Variants in CCDC88C observed in about 807,000 individuals in gnomAD.
CCDC88C encodes the protein coiled-coil and HOOK domain protein 88C.
CCDC88C carries 131 observed loss-of-function variants against 198.8 expected under a neutral mutation model. That is an observed-to-expected ratio of 0.66 (90% CI 0.57 to 0.76). The LOEUF (loss-of-function observed/expected upper bound fraction) is 0.76. Ranked by LOEUF, CCDC88C falls within the 30% of genes least tolerant of loss-of-function variation. CCDC88C has a pLI of 0.00. For synonymous variants in CCDC88C, 1,166 were observed against 1,114.7 expected, an observed-to-expected ratio of 1.05 and a Z score of -0.92; for missense variants, 2,553 against 2,631.6, an observed-to-expected ratio of 0.97 and a Z score of 0.65.
chr14:91,305,977 AACTGGCC>A, intron 18 of CCDC88C, 51 bp from the exon 19 acceptor site: 1 of 1,581,444 alleles, frequency 6.3e-7, no homozygotes, highest in Non-Finnish European at 8.6e-7. Flanking sequence ...GGTAAATGCT[AACTGGCC>A]ACAGGTACTT....
In CCDC88C at chr14:91,272,948, T is replaced by C; in HGVS notation, c.5764A>G (p.Ser1922Gly). 2 of 1,561,112 alleles carry C rather than the reference T, an allele frequency of 1.3e-6. No homozygotes were observed. Among genetic ancestry groups the C allele is most frequent in the Non-Finnish European group, 1.7e-6 (2 of 1,158,408 alleles). ...GAGAAAAGSG[S>G]NSQLLHFSPA... ...GAGAAGTGCAGGAGCTGGGAGTTGC[T>C]GCCACTGCCAGCAGCAGCAGCACCA... Residue 1922 changes from serine (S) to glycine (G), a missense_variant, in exon 30 of 30, where the codon AGC becomes GGC. This residue lies in a region of CCDC88C where 1,293 missense variants were observed against 1,219.6 expected (regional missense o/e 1.06). Transcript: ENST00000389857.
intron 3 of CCDC88C, among the ~76,000 whole-genome samples, chr14:91,394,884 A>G (rs537266695): frequency 6.6e-6 from 1 of 152,352 alleles, no homozygotes; most frequent in African/African-American, 2.4e-5. Context: ...TAATCCGCTC[A>G]GTAACAAATG....
chr14:91,388,377 G>T (rs756934757), intron 3 of CCDC88C, among the ~76,000 whole-genome samples: 1 of 152,096 alleles, frequency 6.6e-6, no homozygotes. Context: ...AGGCTGCCTC[G>T]GCCCAGCTTC....
intron 3 of CCDC88C, chr14:91,378,583 T>C (rs7143384): frequency 0.4 from 61,523 of 152,450 alleles, 12,766 homozygotes; most frequent in Non-Finnish European, 0.43. Context: ...CCCAGCACAC[T>C]GCCACCTCCT....
intron 3 of CCDC88C, chr14:91,379,627 A>G: frequency 1.7e-6 from 1 of 577,380 alleles, no homozygotes; most frequent in Non-Finnish European, 3.1e-6. Flanking sequence ...CTCCTGGGGT[A>G]GGAACTCCGG....
At chr14:91,391,967 C>T (rs1320344893) in intron 3 of CCDC88C, among the ~76,000 whole-genome samples, 5 of 151,858 alleles carry the variant, frequency 3.3e-5, no homozygotes, top group African/African-American at 4.8e-5. Context: ...AGTGCAGTGA[C>T]GCAATCCAGC....
Position 91,351,712 on chromosome 14 carries a change from G to A in CCDC88C, c.340+7930C>T, listed in dbSNP as rs577358477. Among the ~76,000 whole-genome samples, 5 of 152,204 alleles carry A rather than the reference G, an allele frequency of 3.3e-5. No individual in the cohort carries two copies. In the East Asian group the frequency reaches 7.7e-4, roughly 24 times the overall value. ...AGGCGCTAAGCTGCATGCCTGTGTG[G>A]AATGGTGCAGGAGCCTCCCGGGGGC... On this transcript the variant is annotated intron_variant, in intron 4 of 29. Transcript: ENST00000389857.
At chr14:91,390,774 A>G (rs1885461086) in intron 3 of CCDC88C, among the ~76,000 whole-genome samples, 1 of 152,210 alleles carries the variant, frequency 6.6e-6, no homozygotes, top group African/African-American at 2.4e-5. Context: ...TCCAAAGCCC[A>G]GAGAATGGGG....
In CCDC88C at chr14:91,324,877, T is replaced by A; in HGVS notation, c.1244A>T (p.Asn415Ile). ...KKRIEELLEE[N>I]MVLEIAQKQS... ...CTTCTGTGCAATCTCAAGGACCATG[T>A]TTTCTTCCAGCAGCTCCTCAATTCG... The change falls in exon 12 of 30, where the codon AAC (asparagine) becomes ATC (isoleucine). Residue 415 changes from asparagine (N) to isoleucine (I), a missense_variant. By Grantham distance (149) the Asn-to-Ile change is moderately radical. Around this residue, in one of 2 missense-constraint regions of CCDC88C, gnomAD observed 1,260 missense variants for 1,412.0 expected, o/e 0.89. Transcript: ENST00000389857. 1 of 1,613,862 alleles carries A rather than the reference T, an allele frequency of 6.2e-7. No homozygotes were observed. The highest frequency in any genetic ancestry group is 8.5e-7 in the Non-Finnish European group (1 of 1,179,880).
chr14:91,334,862 C>G (rs1398301556), intron 10 of CCDC88C, among the ~76,000 whole-genome samples: 1 of 152,138 alleles, frequency 6.6e-6, no homozygotes, highest in East Asian at 1.9e-4. Flanking sequence ...TGGCTCCCAT[C>G]TCAAAGCAGC....
In CCDC88C at chr14:91,355,254, G is replaced by C. The variant is rs1215805917; in HGVS notation, c.340+4388C>G. 2.6e-5 allele frequency among the ~76,000 whole-genome samples: 4 copies of C among 152,176 alleles called. No homozygotes were observed. In the East Asian group the frequency reaches 7.7e-4, roughly 29 times the overall value. Reference sequence around the variant, plus strand: ...ACTGAGGGTAGACCCGGGACACCAGGCGACAGCGCAGACACGGGTAAGAGG... The same window carrying C: ...ACTGAGGGTAGACCCGGGACACCAGCCGACAGCGCAGACACGGGTAAGAGG... On this transcript the variant is annotated intron_variant, in intron 4 of 29. Transcript: ENST00000389857.
Position 91,411,835 on chromosome 14 carries a change from C to A in CCDC88C, c.162-3068G>T, listed in dbSNP as rs184319060. 1.4e-4 allele frequency among the ~76,000 whole-genome samples: 22 copies of A among 152,040 alleles called. No individual in the cohort carries two copies. In the East Asian group the frequency reaches 1.9e-3, roughly 13 times the overall value. On this transcript the variant is annotated intron_variant, in intron 2 of 29. Transcript: ENST00000389857. Reference sequence around the variant, plus strand: ...AAAATTAGCCAGACATGGTGGCATGCGCCTGTAATCCTAGCTAATCGGGAG... The same window carrying A: ...AAAATTAGCCAGACATGGTGGCATGAGCCTGTAATCCTAGCTAATCGGGAG...
intron 18 of CCDC88C, 103 bp from the exon 19 acceptor site, chr14:91,306,029 G>A: frequency 8.1e-7 from 1 of 1,231,012 alleles, no homozygotes; most frequent in Non-Finnish European, 1.1e-6. Flanking sequence ...TGATGTTTTG[G>A]GGGCCAAATC....
At chr14:91,336,721 C>G (rs75646983) in intron 10 of CCDC88C, among the ~76,000 whole-genome samples, 8,903 of 152,270 alleles carry the variant, frequency 0.058, 303 homozygotes, top group South Asian at 0.093. Context: ...AGGTAAGGAG[C>G]CTTAGCATGC....
intron 2 of CCDC88C, among the ~76,000 whole-genome samples, chr14:91,411,328 T>A (rs1861283670): frequency 6.6e-6 from 1 of 152,196 alleles, no homozygotes; most frequent in African/African-American, 2.4e-5. Context: ...TTCAGTGTTC[T>A]CATCTGCAAA....
intron 22 of CCDC88C, among the ~76,000 whole-genome samples, chr14:91,294,625 AAAG>A (rs775635871): frequency 2.0e-5 from 3 of 152,218 alleles, no homozygotes; most frequent in Non-Finnish European, 4.4e-5. Flanking sequence ...GTACAAATAA[AAAG>A]AATACGAAAA....
chr14:91,277,834 AC>A (rs1890027395), intron 29 of CCDC88C, 87 bp downstream of exon 29: 5 of 1,399,976 alleles, frequency 3.6e-6, no homozygotes, highest in Non-Finnish European at 4.7e-6. Flanking sequence ...CGCCACCCCC[AC>A]CCCATCCTTT....
At chr14:91,399,747 G>A (rs2139998176) in intron 3 of CCDC88C, among the ~76,000 whole-genome samples, 1 of 151,010 alleles carries the variant, frequency 6.6e-6, no homozygotes, top group South Asian at 2.1e-4. Flanking sequence ...GCTGAGGCAG[G>A]AGAATCATGT....
intron 3 of CCDC88C, among the ~76,000 whole-genome samples, chr14:91,362,931 GAAAAAAA>G (rs201994753): frequency 0.025 from 3,062 of 123,842 alleles, 110 homozygotes; most frequent in African/African-American, 0.083. Context: ...TCCATCTCAG[GAAAAAAA>G]AAAAAAAAGA....
Sources: allele counts gnomAD v4.1 joint callset (sites outside exome capture counted in the v4.1 genomes callset), GRCh38; gene constraint gnomAD v4.1.1; regional missense constraint gnomAD v4.1.1; transcripts MANE v1.5; gene names NCBI Gene and HGNC (gene_info 2026-07-23, HGNC 2026-07-21).